Variants in CUL9 observed in about 807,000 individuals in gnomAD.
CUL9 encodes the protein cullin-9.
In CUL9, 79 loss-of-function variants were observed where a neutral mutation model predicts 272.6. That is an observed-to-expected ratio of 0.29 (90% CI 0.24 to 0.35). The LOEUF (loss-of-function observed/expected upper bound fraction) is 0.35, where lower values mean the gene tolerates loss of function less well. CUL9 is among the 10% of genes least tolerant of loss of function. The probability of loss-of-function intolerance (pLI) is 1.00; values close to 1 mark genes in which losing one functional copy is unlikely to be tolerated. For synonymous variants in CUL9, 1,186 were observed against 1,286.5 expected (o/e 0.92, Z 1.67); for missense variants, 2,532 against 3,255.6 (o/e 0.78, Z 5.41).
Position 43,203,364 on chromosome 6 carries a change from G to A in CUL9, c.3850-53G>A. 1 of 1,608,638 alleles carries A rather than the reference G, an allele frequency of 6.2e-7. No individual in the cohort carries two copies. Among genetic ancestry groups the A allele is most frequent in the Non-Finnish European group, 8.5e-7 (1 of 1,176,956 alleles). On this transcript the variant is annotated intron_variant, in intron 18 of 40. Coordinates refer to ENST00000252050, the MANE Select transcript of CUL9 (RefSeq NM_015089.4). This position sits in a 1 kb window ranked among gnomAD's most constrained non-coding sequence, Gnocchi z 5.0. Reference sequence around the variant, plus strand: ...CAGGGCAGGAGGCTTGGCTTTGGTAGTACTTAGTGGCTCAAGCGGCTTGGG... The same window carrying A: ...CAGGGCAGGAGGCTTGGCTTTGGTAATACTTAGTGGCTCAAGCGGCTTGGG...
chr6:43,188,444 A>G, intron 7 of CUL9, 79 bp from the exon 8 acceptor site: 1 of 1,352,092 alleles, frequency 7.4e-7, no homozygotes. Context: ...TTGGTAGGAT[A>G]ACTGGGCTTG....
Position 43,186,153 on chromosome 6 carries a change from A to G in CUL9, c.949A>G (p.Met317Val), listed in dbSNP as rs758006872. The G allele has an allele frequency of 1.2e-6, 2 of 1,614,232 alleles. No homozygotes were observed. The highest frequency in any genetic ancestry group is 1.7e-6 in the Non-Finnish European group (2 of 1,180,032). The change falls in exon 4 of 41, where the codon ATG becomes GTG. Residue 317 changes from methionine (M) to valine (V), a missense_variant. Physicochemically the swap from Met to Val is conservative, Grantham distance 21. Around this residue, in one of 3 missense-constraint regions of CUL9, gnomAD observed 2,218 missense variants for 2,788.6 expected, o/e 0.80. Coordinates refer to ENST00000252050, the MANE Select transcript of CUL9 (RefSeq NM_015089.4). ...CCTCATCTCTGAGCTTGTGCGGAGC[A>G]TGGGCTGGGCCCGGAACCTCAGCGA... Reference protein sequence around the residue: ...GNLISELVRSMGWARNLSEQG... With the variant: ...GNLISELVRSVGWARNLSEQG...
Position 43,213,778 on chromosome 6 carries a change from C to T in CUL9, c.5554C>T (p.Gln1852Ter), listed in dbSNP as rs752046533. Residue 1852 changes from glutamine (Q) to a stop codon, truncating the protein, a stop_gained, in exon 29 of 41, where the codon CAG becomes TAG. Transcript: ENST00000252050. LOFTEE classifies it high-confidence loss of function. This position sits in a 1 kb window ranked among gnomAD's most constrained non-coding sequence, Gnocchi z 5.7. ...GGAGGCCCTGTGGCTGATACCTCCC[C>T]AGGCATACCTGAACGTAGAGAAGGA... ...SGEALWLIPP[Q>*]AYLNVEKDEG... The T allele has an allele frequency of 6.2e-7, 1 of 1,614,156 alleles. No individual in the cohort carries two copies. Among genetic ancestry groups the T allele is most frequent in the South Asian group, 1.1e-5 (1 of 91,080 alleles).
At chr6:43,186,571 G>GAGGCAGGGCCCACTCCT in intron 4 of CUL9, 116 bp downstream of exon 4, 2 of 1,402,420 alleles carry the variant, frequency 1.4e-6, no homozygotes, top group Non-Finnish European at 1.9e-6. Context: ...CTGGGGAATT[G>GAGGCAGGGCCCACTCCT]GAATGATACA....
chr6:43,222,659 A>G lies in CUL9; in HGVS notation c.7032+18A>G, dbSNP rs1776470027. 6.2e-7 allele frequency: 1 copy of G among 1,610,314 alleles called. No homozygotes were observed. The highest frequency in any genetic ancestry group is 1.3e-5 in the African/African-American group (1 of 74,944). ...CTCGGAAGGTGGTAGCGGGTGGGGG[A>G]AGAGAGCAGGGGAGGGGTGTGCCAA... On this transcript the variant is annotated intron_variant, in intron 37 of 40. Transcript: ENST00000252050.
At position 43,205,020 on chromosome 6, in the gene CUL9, TCCGAGCTGTTTGGGC is replaced by T; in HGVS notation, c.4539_4553del (p.Glu1514_Pro1518del). The T allele has an allele frequency of 6.2e-7, 1 of 1,613,438 alleles. No homozygotes were observed. The highest frequency in any genetic ancestry group is 8.5e-7 in the Non-Finnish European group (1 of 1,179,720). ...CTATGAGCACTTGCAGAGAGCAGGC[TCCGAGCTGTTTGGGC>T]CTCGGGCAGCCTTCATGCTGGCTCT... On this transcript the variant is annotated inframe_deletion, in exon 23 of 41. Transcript: ENST00000252050.
Position 43,200,129 on chromosome 6 carries a change from C to T in CUL9, c.3357C>T (p.Thr1119=). The T allele has an allele frequency of 1.2e-6, 2 of 1,614,166 alleles. No homozygotes were observed. The highest frequency in any genetic ancestry group is 1.1e-5 in the South Asian group (1 of 91,082). The change falls in exon 14 of 41, where the codon ACC becomes ACT. Residue 1119 remains threonine (T), a synonymous_variant. Coordinates refer to ENST00000252050, the MANE Select transcript of CUL9 (RefSeq NM_015089.4). The surrounding 1 kb of genome is among the most constrained non-coding windows in gnomAD (Gnocchi z 4.0). ...ACGCACAGCTCTATAGCAACCTCAC[C>T]TCCAGCATCCTGGCCGGCTGCATTC... ...EKYAQLYSNL[T]SSILAGCIQM...
rs1582433348 is a variant in CUL9 at position 43,220,370 on chromosome 6, A to G, written c.6283-89A>G. ...TCCACGTTGTAGTGGAGGGGAAGGGAAGGAGGGACGCTAGCTTAGTTACCA... is the reference window on the plus strand; with the variant it reads ...TCCACGTTGTAGTGGAGGGGAAGGGGAGGAGGGACGCTAGCTTAGTTACCA... On this transcript the variant is annotated intron_variant, in intron 31 of 40. Coordinates refer to ENST00000252050, the MANE Select transcript of CUL9 (RefSeq NM_015089.4). This position sits in a 1 kb window ranked among gnomAD's most constrained non-coding sequence, Gnocchi z 4.9. 6.9e-6 allele frequency: 10 copies of G among 1,458,098 alleles called. No individual in the cohort carries two copies. The South Asian group carries it at 1.3e-4, about 18-fold the overall frequency. The allele number at this position is 1,458,098 out of a possible 1,614,324, so 90.3% of individuals were successfully genotyped here. A position where few individuals can be genotyped will look rare whatever the true frequency, so the allele number is the denominator to read the frequency against.
intron 36 of CUL9, 26 bp from the exon 37 acceptor site, chr6:43,222,505 G>C (rs1027876023): frequency 6.2e-7 from 1 of 1,612,354 alleles, no homozygotes; most frequent in Non-Finnish European, 8.5e-7. Flanking sequence ...ACCTGTGCTG[G>C]TACTGATACA....
At position 43,223,623 on chromosome 6, in the gene CUL9, C is replaced by T. The variant is rs1475273603; in HGVS notation, c.7284+226C>T. The T allele has an allele frequency of 5.0e-6, 3 of 598,124 alleles. No individual in the cohort carries two copies. Among genetic ancestry groups the T allele is most frequent in the African/African-American group, 1.8e-5 (1 of 54,062 alleles). 37.1% of individuals were successfully genotyped at this position (598,124 alleles called of 1,614,324 possible). A position where few individuals can be genotyped will look rare whatever the true frequency, so the allele number is the denominator to read the frequency against. On this transcript the variant is annotated intron_variant, in intron 39 of 40. Coordinates refer to ENST00000252050, the MANE Select transcript of CUL9 (RefSeq NM_015089.4). This position sits in a 1 kb window ranked among gnomAD's most constrained non-coding sequence, Gnocchi z 4.1. ...GATTCCTACAAAATAAAGGGGTTGG[C>T]TAGCCCACATCAAGGGTATTTGGTC...
chr6:43,210,876 T>C (rs1383508315), intron 26 of CUL9, among the ~76,000 whole-genome samples: 1 of 152,170 alleles, frequency 6.6e-6, no homozygotes, highest in African/African-American at 2.4e-5. Context: ...GATTCTACCC[T>C]GGGTTTTTGT....
In CUL9 at chr6:43,224,347, G is replaced by C; in HGVS notation, c.7456G>C (p.Asp2486His). 6.2e-7 allele frequency: 1 copy of C among 1,614,204 alleles called. No homozygotes were observed. Among genetic ancestry groups the C allele is most frequent in the Non-Finnish European group, 8.5e-7 (1 of 1,180,030 alleles). Residue 2486 changes from aspartate (D) to histidine (H), a missense_variant, in exon 41 of 41, where the codon GAC (aspartate) becomes CAC (histidine). By Grantham distance (81) the Asp-to-His change is moderately conservative. Transcript: ENST00000252050. The surrounding 1 kb of genome is among the most constrained non-coding windows in gnomAD (Gnocchi z 4.2). ...WQQDEFDEEL[D>H]NDSFSYDESE... ...GCAGGATGAGTTTGATGAGGAGCTG[G>C]ACAATGACAGCTTCTCCTACGATGA...
chr6:43,190,298 GT>G (rs59636393), intron 8 of CUL9, among the ~76,000 whole-genome samples: 20,342 of 142,106 alleles, frequency 0.14, 2,143 homozygotes, highest in East Asian at 0.39. Context: ...CATTTGTTCT[GT>G]TTTTTTTTTT....
At chr6:43,195,971 A>G (rs1006601277) in intron 9 of CUL9, 98 bp from the exon 10 acceptor site, 1 of 956,112 alleles carries the variant, frequency 1.0e-6, no homozygotes, top group African/African-American at 1.6e-5. Context: ...ATCTGCAAAC[A>G]GCTCAGCTGC....
chr6:43,186,877 A>C (rs771863051), intron 4 of CUL9, 83 bp from the exon 5 acceptor site: 1 of 1,527,946 alleles, frequency 6.5e-7, no homozygotes, highest in African/African-American at 1.4e-5. Flanking sequence ...ATGCTTGGGC[A>C]TGTCCTTTCA....
intron 9 of CUL9, among the ~76,000 whole-genome samples, 173 bp downstream of exon 9, chr6:43,193,381 A>G (rs1773702175): frequency 6.6e-6 from 1 of 152,070 alleles, no homozygotes. Flanking sequence ...AAGTGTTTGG[A>G]AAAAGGGAAA....
chr6:43,198,442 A>C, intron 11 of CUL9, 167 bp from the exon 12 acceptor site: 1 of 985,046 alleles, frequency 1.0e-6, no homozygotes. Flanking sequence ...TTAGGTTTGT[A>C]TTTGGGGTCA....
rs139758390 is a variant in CUL9, at chr6:43,196,791, C to T, written c.2732C>T (p.Pro911Leu). The part of the protein sequence containing the change: ...SGIAPRTEPM[P>L]TTRTILMMLL... ...ATAGCACCAAGAACAGAACCTATGC[C>T]TACCACACGCACCATCCTCATGATG... is the stretch of plus-strand genomic sequence containing the variant. Residue 911 changes from proline (P) to leucine (L), a missense_variant, in exon 11 of 41, where the codon CCT becomes CTT. By Grantham distance (98) the Pro-to-Leu change is moderately conservative (BLOSUM62 -3). Coordinates refer to ENST00000252050, the MANE Select transcript of CUL9 (RefSeq NM_015089.4). 1.1e-4 allele frequency: 174 copies of T among 1,614,104 alleles called. No homozygotes were observed. The highest frequency in any genetic ancestry group is 1.3e-4 in the Non-Finnish European group (158 of 1,180,048).
At chr6:43,188,439 A>G (rs1773122130) in intron 7 of CUL9, 84 bp from the exon 8 acceptor site, 2 of 1,296,562 alleles carry the variant, frequency 1.5e-6, no homozygotes, top group Admixed American at 4.8e-5. Flanking sequence ...AAATATTGGT[A>G]GGATAACTGG....
Sources: gnomAD v4.1 joint callset for allele counts (sites outside exome capture counted in the v4.1 genomes callset) on GRCh38, gnomAD v4.1.1 for gene constraint, gnomAD v4.1.1 regional missense constraint, Gnocchi (gnomAD v3.1) non-coding constraint, MANE v1.5 for transcripts, NCBI Gene and HGNC (gene_info 2026-07-23, HGNC 2026-07-21) for gene names.